Variants in PRMT2 observed in about 807,000 individuals in gnomAD.
PRMT2 encodes protein arginine methyltransferase 2, also known as protein arginine N-methyltransferase 2.
PRMT2 carries 26 observed loss-of-function variants against 57.6 expected under a neutral mutation model. That is an observed-to-expected ratio of 0.45 (90% CI 0.33 to 0.63). The LOEUF (loss-of-function observed/expected upper bound fraction) is 0.63. Among genes scored for constraint, PRMT2 ranks in the 20% least tolerant of loss-of-function variants. The pLI, the probability that PRMT2 is intolerant of heterozygous loss-of-function variation, is 0.02. For synonymous variants in PRMT2, 219 were observed against 220.0 expected, an observed-to-expected ratio of 1.00 and a Z score of 0.04; for missense variants, 472 against 564.4, an observed-to-expected ratio of 0.84 and a Z score of 1.66.
intron 5 of PRMT2, among the ~76,000 whole-genome samples, chr21:46,644,862 GC>G (rs2061336606): frequency 6.6e-6 from 1 of 152,072 alleles, no homozygotes; most frequent in South Asian, 2.1e-4. Context: ...CCGACCCCTG[GC>G]TTAGAGATAT....
At chr21:46,650,392 C>G (rs1424728512) in intron 7 of PRMT2, among the ~76,000 whole-genome samples, 1 of 152,118 alleles carries the variant, frequency 6.6e-6, no homozygotes, top group Admixed American at 6.5e-5. Flanking sequence ...AAGATGGGGT[C>G]TGGGTGAAGG....
chr21:46,659,133 A>C, intron 8 of PRMT2: 1 of 1,279,132 alleles, frequency 7.8e-7, no homozygotes, highest in South Asian at 2.6e-5. Flanking sequence ...GAATGCAAGG[A>C]ACAAAAATTT....
chr21:46,662,409 C>G (rs1245092991), intron 10 of PRMT2, among the ~76,000 whole-genome samples: 2 of 152,226 alleles, frequency 1.3e-5, no homozygotes, highest in Non-Finnish European at 2.9e-5. Flanking sequence ...GTTGGCTACC[C>G]CGCTCTGGCA....
chr21:46,663,650 T>G, intron 11 of PRMT2, 96 bp downstream of exon 11: 1 of 1,290,918 alleles, frequency 7.7e-7, no homozygotes. Context: ...TGGCCCACAC[T>G]GGGGTCCACG....
At chr21:46,642,120 A>T (rs188356415) in intron 3 of PRMT2, among the ~76,000 whole-genome samples, 6 of 152,168 alleles carry the variant, frequency 3.9e-5, no homozygotes, top group Non-Finnish European at 7.3e-5. Context: ...GGTCCAGGGA[A>T]CACCTTTCTG....
intron 8 of PRMT2, among the ~76,000 whole-genome samples, chr21:46,660,551 A>C (rs1217872727): frequency 6.6e-6 from 1 of 152,160 alleles, no homozygotes; most frequent in African/African-American, 2.4e-5. Flanking sequence ...CATGAATGAG[A>C]CCTCACAGGG....
chr21:46,664,791 C>G lies in PRMT2; in HGVS notation c.*464C>G, dbSNP rs955711114. The G allele has an allele frequency of 2.1e-5, 4 of 192,754 alleles. No homozygotes were observed. Among genetic ancestry groups the G allele is most frequent in the East Asian group, 2.3e-4 (2 of 8,646 alleles). The allele number at this position is 192,754 out of a possible 1,614,324, so 11.9% of individuals were successfully genotyped here. ...GGATTGCACAGGGCTGTGCCAGTGG[C>G]GTGTAGGGAACACTGCCCTGGCTCA... On this transcript the variant is annotated 3_prime_UTR_variant, in exon 12 of 12. Coordinates refer to ENST00000355680, the MANE Select transcript of PRMT2 (RefSeq NM_206962.4).
At chr21:46,662,280 G>T (rs1003677384) in intron 10 of PRMT2, among the ~76,000 whole-genome samples, 13 of 152,220 alleles carry the variant, frequency 8.5e-5, no homozygotes, top group African/African-American at 2.9e-4. Context: ...GGGGCGTCGG[G>T]GTTCACCTGA....
rs111821653 is a variant in PRMT2 at position 46,637,069 on chromosome 21, T to C, written c.39+79T>C. 2.3e-3 allele frequency: 3,364 copies of C among 1,485,014 alleles called. 54 individuals carry two copies. The African/African-American group carries it at 0.042, about 19-fold the overall frequency. The allele number at this position is 1,485,014 out of a possible 1,614,324, so 92.0% of individuals were successfully genotyped here. ...AGAGAGCTAAGCGTCAGCTCACAGA[T>C]GTGATGGAGCTTGGCTTGTGCCTTG... On this transcript the variant is annotated intron_variant, in intron 3 of 11. Coordinates refer to ENST00000355680, the MANE Select transcript of PRMT2 (RefSeq NM_206962.4).
Position 46,644,310 on chromosome 21 carries a change from GT to G in PRMT2, c.155del (p.Leu52Ter). 6.2e-7 allele frequency: 1 copy of G among 1,600,304 alleles called. No homozygotes were observed. ...TTTTAACTTTTTTTTTTCCAGCTCA[GT>G]TTTTTGAGAGGAGAAAAAATTCTTA... The part of the protein sequence containing the change: ...DYAATDETQL[S>X]FLRGEKILIL... On this transcript the variant is annotated frameshift_variant, in exon 5 of 12. Transcript: ENST00000355680. LOFTEE classifies it high-confidence loss of function.
In PRMT2 at chr21:46,648,940, A is replaced by T. The variant is rs1351930069; in HGVS notation, c.489+321A>T. Among the ~76,000 whole-genome samples, 1 of 152,178 alleles carries T rather than the reference A, an allele frequency of 6.6e-6. No individual in the cohort carries two copies. The highest frequency in any genetic ancestry group is 1.9e-4 in the East Asian group (1 of 5,190). On this transcript the variant is annotated intron_variant, in intron 6 of 11. Coordinates refer to ENST00000355680, the MANE Select transcript of PRMT2 (RefSeq NM_206962.4). This position sits in a 1 kb window ranked among gnomAD's most constrained non-coding sequence, Gnocchi z 4.8. The stretch of plus-strand genomic sequence containing the variant: ...GTTTATTTCAGTTGAGTAGAGAAAC[A>T]CGTGCACCCACATGTCTGTGCTGGG...
At chr21:46,658,958 G>T (rs756254908) in intron 8 of PRMT2, 38 bp downstream of exon 8, 4 of 1,591,218 alleles carry the variant, frequency 2.5e-6, no homozygotes, top group Non-Finnish European at 3.4e-6. Flanking sequence ...CGTCTTGTGG[G>T]GCCTCCTGGT....
At chr21:46,640,634 G>A (rs1487756042) in intron 3 of PRMT2, among the ~76,000 whole-genome samples, 1 of 151,360 alleles carries the variant, frequency 6.6e-6, no homozygotes, top group African/African-American at 2.4e-5. Flanking sequence ...GTAGAGACGG[G>A]GTTTCACCAT....
Position 46,643,628 on chromosome 21 carries a change from G to A in PRMT2, c.133G>A (p.Asp45Asn), listed in dbSNP as rs1364008462. Residue 45 changes from aspartate (D) to asparagine (N), a missense_variant, in exon 4 of 12, where the codon GAT becomes AAT. Transcript: ENST00000355680. ...FVAIADYAAT[D>N]ETQLSFLRGE... is the part of the protein sequence containing the mutation. ...GGCCATCGCGGACTACGCTGCCACC[G>A]ATGAGACCCAGGTAGCCACACGTGG... 3 of 1,608,064 alleles carry A rather than the reference G, an allele frequency of 1.9e-6. No individual in the cohort carries two copies. The highest frequency in any genetic ancestry group is 2.2e-5 in the East Asian group (1 of 44,670).
intron 7 of PRMT2, among the ~76,000 whole-genome samples, chr21:46,655,846 A>C (rs981829212): frequency 1.3e-5 from 2 of 152,222 alleles, no homozygotes; most frequent in African/African-American, 2.4e-5. Flanking sequence ...GGCTCAACCT[A>C]GTAAAGACGT....
At position 46,643,546 on chromosome 21, in the gene PRMT2, T is replaced by C; in HGVS notation, c.51T>C (p.Pro17=). ...TTGGCTTTGAGCAGGGAGAAGAGCC[T>C]GCTGAGTGCAGTGAGGCCGGTCTCC... ...CPRSESQGEE[P]AECSEAGLLQ... Residue 17 remains proline (P), a synonymous_variant, in exon 4 of 12, where the codon CCT becomes CCC. Coordinates refer to ENST00000355680, the MANE Select transcript of PRMT2 (RefSeq NM_206962.4). 6.3e-7 allele frequency: 1 copy of C among 1,595,094 alleles called. No individual in the cohort carries two copies. Among genetic ancestry groups the C allele is most frequent in the Admixed American group, 1.8e-5 (1 of 56,180 alleles).
intron 5 of PRMT2, among the ~76,000 whole-genome samples, chr21:46,645,967 G>C (rs547656910): frequency 6.6e-6 from 1 of 152,282 alleles, no homozygotes; most frequent in South Asian, 2.1e-4. Flanking sequence ...TCCTGTCTCA[G>C]CCTCCCAAAG....
At position 46,649,975 on chromosome 21, in the gene PRMT2, A is replaced by C; in HGVS notation, c.654+236A>C. The C allele has an allele frequency of 1.4e-6, 2 of 1,434,070 alleles. No individual in the cohort carries two copies. The highest frequency in any genetic ancestry group is 1.8e-6 in the Non-Finnish European group (2 of 1,092,366). 88.8% of individuals were successfully genotyped at this position (1,434,070 alleles called of 1,614,324 possible). On this transcript the variant is annotated intron_variant, in intron 7 of 11. Transcript: ENST00000355680. The surrounding 1 kb of genome is among the most constrained non-coding windows in gnomAD (Gnocchi z 4.8). ...TCAAAGTTCATGTAACATTTTCATGAGTGATTTACATGAACTGTGTTCTCC... is the reference window on the plus strand; with the variant it reads ...TCAAAGTTCATGTAACATTTTCATGCGTGATTTACATGAACTGTGTTCTCC...
At chr21:46,639,379 T>C (rs1410242445) in intron 3 of PRMT2, among the ~76,000 whole-genome samples, 2 of 152,176 alleles carry the variant, frequency 1.3e-5, no homozygotes, top group Non-Finnish European at 2.9e-5. Context: ...ATTAGTATTG[T>C]TGAAATCTCT....
Sources: allele counts gnomAD v4.1 joint callset (sites outside exome capture counted in the v4.1 genomes callset), GRCh38; gene constraint gnomAD v4.1.1; non-coding constraint Gnocchi (gnomAD v3.1); transcripts MANE v1.5; gene names NCBI Gene and HGNC (gene_info 2026-07-23, HGNC 2026-07-21).